The following DIAPH3 variants were observed in gnomAD, a reference collection of about 807,000 sequenced individuals.
DIAPH3 encodes the protein protein diaphanous homolog 3.
A neutral mutation model predicts 144.3 loss-of-function variants in DIAPH3; 117 were observed. That is an observed-to-expected ratio of 0.81 (90% confidence interval 0.70 to 0.95). The LOEUF (loss-of-function observed/expected upper bound fraction) is 0.95. Among genes scored for constraint, DIAPH3 ranks in the 40% least tolerant of loss-of-function variants. DIAPH3 has a pLI of 0.00. For synonymous variants in DIAPH3, 519 were observed against 488.9 expected (o/e 1.06, Z -0.81); for missense variants, 1,421 against 1,412.7 (o/e 1.01, Z -0.09).
chr13:60,138,083 G>T (rs1243179752), intron 1 of DIAPH3, among the ~76,000 whole-genome samples: 2 of 152,148 alleles, frequency 1.3e-5, no homozygotes, highest in Admixed American at 1.3e-4. Flanking sequence ...AAACTTGTAA[G>T]ATTAAAGACT....
chr13:60,074,180 T>C (rs1296093870), intron 4 of DIAPH3, among the ~76,000 whole-genome samples: 1 of 152,158 alleles, frequency 6.6e-6, no homozygotes, highest in African/African-American at 2.4e-5. Flanking sequence ...AACACTGTCC[T>C]GGCAATAATT....
intron 27 of DIAPH3, among the ~76,000 whole-genome samples, chr13:59,740,172 G>C (rs1203207980): frequency 6.6e-6 from 1 of 152,116 alleles, no homozygotes; most frequent in Non-Finnish European, 1.5e-5. Flanking sequence ...GTACAGAATT[G>C]TTTCAGACTA....
intron 24 of DIAPH3, among the ~76,000 whole-genome samples, chr13:59,815,763 T>C (rs895911915): frequency 6.6e-6 from 1 of 152,036 alleles, no homozygotes; most frequent in African/African-American, 2.4e-5. Flanking sequence ...GCCTAAAAAA[T>C]GTAATTTTTA....
rs2058023506 is a variant in DIAPH3, at chr13:60,093,695, A to G, written c.428T>C (p.Leu143Ser). 6.2e-7 allele frequency: 1 copy of G among 1,612,722 alleles called. No homozygotes were observed. Among genetic ancestry groups the G allele is most frequent in the Admixed American group, 1.7e-5 (1 of 59,994 alleles). ...MNLNEDKKAP[L>S]REKDFSIKKE... ...TTTGATACTGAAGTCCTTTTCCCGC[A>G]ATGGTGCCTTTTTATCTTCATTTAA... is the stretch of plus-strand genomic sequence containing the variant. Residue 143 changes from leucine to serine, a missense_variant, in exon 4 of 28, where the codon TTG (leucine) becomes TCG (serine). By Grantham distance (145) the Leu-to-Ser change is moderately radical. Transcript: ENST00000400324.
intron 15 of DIAPH3, among the ~76,000 whole-genome samples, chr13:59,971,714 A>C (rs1358417630): frequency 2.0e-5 from 3 of 152,186 alleles, no homozygotes; most frequent in Non-Finnish European, 4.4e-5. Context: ...ACAAACTAAA[A>C]TTCTTCGTAG....
At chr13:60,088,736 C>G (rs771098499) in intron 4 of DIAPH3, among the ~76,000 whole-genome samples, 3 of 152,174 alleles carry the variant, frequency 2.0e-5, no homozygotes, top group Non-Finnish European at 4.4e-5. Context: ...ATTCTCCTGC[C>G]TCAGCCTCCT....
chr13:59,726,722 A>C (rs1405687564), intron 27 of DIAPH3, among the ~76,000 whole-genome samples: 1 of 152,222 alleles, frequency 6.6e-6, no homozygotes, highest in Non-Finnish European at 1.5e-5. Flanking sequence ...ATTCCGTCTC[A>C]ACATTTTAGT....
intron 4 of DIAPH3, 107 bp downstream of exon 4, chr13:60,093,521 C>G: frequency 1.4e-6 from 1 of 724,390 alleles, no homozygotes. Context: ...TTCAGAAGCC[C>G]TCTGATTACA....
At chr13:59,774,281 T>C (rs990598876) in intron 26 of DIAPH3, 33 bp from the exon 27 acceptor site, 6 of 1,562,872 alleles carry the variant, frequency 3.8e-6, no homozygotes. Context: ...AAACTTAATA[T>C]AGAGGTCTGG....
chr13:59,771,659 G>A (rs2038128013), intron 27 of DIAPH3, among the ~76,000 whole-genome samples: 1 of 152,074 alleles, frequency 6.6e-6, no homozygotes, highest in African/African-American at 2.4e-5. Flanking sequence ...GTATGGCATG[G>A]CAAAGAAAGT....
chr13:59,775,368 G>A (rs1487585719), intron 25 of DIAPH3, among the ~76,000 whole-genome samples: 4 of 151,842 alleles, frequency 2.6e-5, no homozygotes, highest in East Asian at 1.9e-4. Context: ...TCAGCCTCCC[G>A]GGTAGCTGGG....
chr13:59,943,165 T>TA (rs1322030375), intron 17 of DIAPH3, among the ~76,000 whole-genome samples: 3 of 152,178 alleles, frequency 2.0e-5, no homozygotes, highest in South Asian at 2.1e-4. Context: ...TTCTGGTTTT[T>TA]AAAAAAAGTT....
intron 17 of DIAPH3, among the ~76,000 whole-genome samples, chr13:59,950,048 A>G (rs1264656410): frequency 2.6e-5 from 4 of 152,216 alleles, no homozygotes; most frequent in Non-Finnish European, 5.9e-5. Context: ...ACCTACTGCA[A>G]CACAGAGCTG....
intron 21 of DIAPH3, 68 bp downstream of exon 21, chr13:59,879,161 T>C: frequency 6.3e-7 from 1 of 1,599,176 alleles, no homozygotes; most frequent in Non-Finnish European, 8.5e-7. Context: ...ATTTAAATAA[T>C]GCAATCAGGG....
At chr13:59,718,923 C>T (rs1177813435) in intron 27 of DIAPH3, among the ~76,000 whole-genome samples, 1 of 139,048 alleles carries the variant, frequency 7.2e-6, no homozygotes, top group African/African-American at 2.5e-5. Flanking sequence ...AAAATGTAGC[C>T]CCCCCCACCT....
chr13:60,083,574 A>C (rs1356404143), intron 4 of DIAPH3, among the ~76,000 whole-genome samples: 1 of 152,100 alleles, frequency 6.6e-6, no homozygotes, highest in Non-Finnish European at 1.5e-5. Flanking sequence ...TACACACATC[A>C]GCAAAATTCA....
chr13:59,672,694 C>T lies in DIAPH3; in HGVS notation c.3320-5848G>A, dbSNP rs150146678. Among the ~76,000 whole-genome samples the T allele has an allele frequency of 4.4e-3, 670 of 152,306 alleles. 4 individuals carry two copies. Among genetic ancestry groups the T allele is most frequent in the Non-Finnish European group, 7.7e-3 (527 of 68,036 alleles). ...TGTGGTTTTCCTTATTGCTGATTTA[C>T]TGATGCTATTAATAATTGTCTTCCT... On this transcript the variant is annotated intron_variant, in intron 27 of 27. Transcript: ENST00000400324.
At chr13:60,038,062 A>G (rs995328842) in intron 5 of DIAPH3, among the ~76,000 whole-genome samples, 2 of 152,058 alleles carry the variant, frequency 1.3e-5, no homozygotes, top group African/African-American at 4.8e-5. Context: ...TAAAACTATA[A>G]TAGAAAGGAA....
chr13:59,728,123 C>G (rs1317713774), intron 27 of DIAPH3, among the ~76,000 whole-genome samples: 1 of 151,788 alleles, frequency 6.6e-6, no homozygotes, highest in East Asian at 1.9e-4. Flanking sequence ...GGAGAAAGTC[C>G]TACATGAGTT....
Sources: gnomAD v4.1 joint callset for allele counts (sites outside exome capture counted in the v4.1 genomes callset) on GRCh38, gnomAD v4.1.1 for gene constraint, MANE v1.5 for transcripts, NCBI Gene and HGNC (gene_info 2026-07-23, HGNC 2026-07-21) for gene names.